TEX9: variants seen among roughly 807,000 people sequenced by gnomAD.
TEX9 encodes testis-expressed protein 9.
In TEX9, 74 loss-of-function variants were observed where a neutral mutation model predicts 59.6. The observed-to-expected ratio is 1.24, with a 90% CI of 1.03 to 1.51. The LOEUF (loss-of-function observed/expected upper bound fraction) is 1.51, where lower values mean the gene tolerates loss of function less well. TEX9 is among the 40% of genes most tolerant of loss of function. TEX9 has a pLI of 0.00. For missense variants in TEX9, 522 were observed against 447.8 expected (o/e 1.17, Z -1.49); for synonymous variants, 186 against 152.2 (o/e 1.22, Z -1.64).
In TEX9 at chr15:56,442,464, A is replaced by T. The variant is rs566607470; in HGVS notation, c.*30-3207A>T. 1.1e-3 allele frequency among the ~76,000 whole-genome samples: 165 copies of T among 152,346 alleles called. 1 individual carries two copies. The highest frequency in any genetic ancestry group is 3.5e-3 in the South Asian group (17 of 4,828). ...GTGTATTTATAGCAGCACTATTCAC[A>T]ATGGCAAAGATATGGAATCCACCTA... On this transcript the variant is annotated intron_variant, in intron 12 of 12. Transcript: ENST00000352903.
At position 56,401,308 on chromosome 15, in the gene TEX9, C is replaced by CAAAAAAA. The variant is rs1207055803; in HGVS notation, c.828+6492_828+6498dup. ...GAAGACCTACCAAGCAAATTGAAAGCAAAAAAAAAAAAAAAAAAAAAAAAC... is the reference window on the plus strand; with the variant it reads ...GAAGACCTACCAAGCAAATTGAAAGCAAAAAAAAAAAAAAAAAAAAAAAAAAAAAAAC... On this transcript the variant is annotated intron_variant, in intron 9 of 12. Coordinates refer to ENST00000352903, the Ensembl canonical transcript of TEX9. Among the ~76,000 whole-genome samples the CAAAAAAA allele has an allele frequency of 6.6e-4, 31 of 46,776 alleles. 1 individual carries two copies. Among genetic ancestry groups the CAAAAAAA allele is most frequent in the East Asian group, 5.6e-3 (5 of 896 alleles). The allele number at this position is 46,776 out of a possible 152,430, so 30.7% of individuals were successfully genotyped here.
At chr15:56,249,208 A>G (rs1225710747) in intron 1 of TEX9, 1 of 152,098 alleles carries the variant, frequency 6.6e-6, no homozygotes, top group African/African-American at 2.4e-5. Context: ...TTCCATTCCA[A>G]GCAGGCTTCA....
chr15:56,403,183 G>A (rs2048887504), intron 9 of TEX9, among the ~76,000 whole-genome samples: 2 of 152,222 alleles, frequency 1.3e-5, no homozygotes, highest in African/African-American at 4.8e-5. Flanking sequence ...TATGAAAAGA[G>A]GAAGTCAAAT....
chr15:56,245,528 T>A (rs1356154046), intron 1 of TEX9, among the ~76,000 whole-genome samples: 2 of 152,224 alleles, frequency 1.3e-5, no homozygotes, highest in Non-Finnish European at 2.9e-5. Context: ...CATGTGGGTG[T>A]GTAAAGACAG....
chr15:56,351,081 C>T (rs1328268745), intron 1 of TEX9, among the ~76,000 whole-genome samples: 4 of 152,096 alleles, frequency 2.6e-5, no homozygotes, highest in Non-Finnish European at 4.4e-5. Flanking sequence ...TAATGTTTTC[C>T]GTGTCTTGAG....
intron 9 of TEX9, chr15:56,395,148 A>G: frequency 3.0e-6 from 1 of 336,016 alleles, no homozygotes. Flanking sequence ...AATCCCTTAC[A>G]GCCCTAGGCA....
intron 1 of TEX9, among the ~76,000 whole-genome samples, chr15:56,282,238 A>T (rs982137628): frequency 1.4e-4 from 22 of 152,194 alleles, no homozygotes; most frequent in African/African-American, 5.3e-4. Context: ...AATATAAATA[A>T]ATCACTTAAA....
At chr15:56,358,179 C>G (rs1344711879) in intron 1 of TEX9, among the ~76,000 whole-genome samples, 7 of 152,112 alleles carry the variant, frequency 4.6e-5, no homozygotes, top group African/African-American at 1.4e-4. Flanking sequence ...TTTCTGAATA[C>G]AGTTCCCTGG....
rs573553307 is a variant in TEX9, at chr15:56,379,399, A to G, written c.184-4553A>G. Among the ~76,000 whole-genome samples, 6 of 152,234 alleles carry G rather than the reference A, an allele frequency of 3.9e-5. No individual in the cohort carries two copies. The South Asian group carries it at 1.2e-3, about 32-fold the overall frequency. ...TTAATTTCTAGTTTTATTCCATGTGATCAGAGAAGATGCTTGATATTATTT... is the reference window on the plus strand; with the variant it reads ...TTAATTTCTAGTTTTATTCCATGTGGTCAGAGAAGATGCTTGATATTATTT... On this transcript the variant is annotated intron_variant, in intron 3 of 12. Transcript: ENST00000352903.
rs78285958 is a variant in TEX9 at position 56,345,497 on chromosome 15, C to T, written c.-106-27944C>T. On this transcript the variant is annotated intron_variant, in intron 1 of 5. Coordinates refer to the TEX9 transcript ENST00000560827. ...AGAGATGGGGTCTTGCTATGTTGCC[C>T]AAGCTACACTCAAACTCATGGGCCC... Among the ~76,000 whole-genome samples the T allele has an allele frequency of 2.1e-3, 325 of 152,218 alleles. 1 individual carries two copies. Among genetic ancestry groups the T allele is most frequent in the African/African-American group, 7.3e-3 (305 of 41,544 alleles).
chr15:56,377,608 TGA>T (rs2047519609), intron 3 of TEX9, among the ~76,000 whole-genome samples: 1 of 152,192 alleles, frequency 6.6e-6, no homozygotes, highest in Non-Finnish European at 1.5e-5. Context: ...GCAACTTTAC[TGA>T]GTTTATCATT....
chr15:56,366,355 C>T (rs1475522457), intron 2 of TEX9, among the ~76,000 whole-genome samples: 1 of 152,164 alleles, frequency 6.6e-6, no homozygotes, highest in African/African-American at 2.4e-5. Context: ...TCCCTCTTCC[C>T]CTTTTCCCCC....
At chr15:56,366,515 T>C (rs1372773172) in intron 2 of TEX9, among the ~76,000 whole-genome samples, 1 of 152,218 alleles carries the variant, frequency 6.6e-6, no homozygotes, top group Admixed American at 6.5e-5. Flanking sequence ...TGTTGGTCTT[T>C]TTCATTGTCT....
At chr15:56,387,166 T>C (rs576130842) in intron 4 of TEX9, among the ~76,000 whole-genome samples, 1 of 152,022 alleles carries the variant, frequency 6.6e-6, no homozygotes, top group African/African-American at 2.4e-5. Flanking sequence ...AAGAATACCA[T>C]ACTATAGCTT....
chr15:56,368,122 G>A (rs1195743097), intron 2 of TEX9, among the ~76,000 whole-genome samples: 1 of 151,936 alleles, frequency 6.6e-6, no homozygotes, highest in Non-Finnish European at 1.5e-5. Context: ...TTTGCTCTAG[G>A]GTTTTGGTAG....
chr15:56,456,576 CA>C, the TEX9 span: 1 of 1,575,310 alleles, frequency 6.3e-7, no homozygotes, highest in African/African-American at 1.4e-5. Flanking sequence ...TTTTTTTCAT[CA>C]AGGTTGAATT....
upstream of TEX9, among the ~76,000 whole-genome samples, chr15:56,364,721 T>C (rs963653472): frequency 1.3e-5 from 2 of 152,208 alleles, no homozygotes; most frequent in Admixed American, 6.5e-5. Flanking sequence ...TGAATGGTCT[T>C]GCACCCTTTC....
chr15:56,326,526 C>T (rs1269373116), intron 1 of TEX9, among the ~76,000 whole-genome samples: 2 of 151,950 alleles, frequency 1.3e-5, no homozygotes, highest in Non-Finnish European at 2.9e-5. Context: ...TTACAGGTAA[C>T]TATCTTAGTT....
intron 1 of TEX9, among the ~76,000 whole-genome samples, chr15:56,320,457 C>A (rs2045876869): frequency 6.6e-6 from 1 of 151,600 alleles, no homozygotes; most frequent in African/African-American, 2.4e-5. Flanking sequence ...CCTTACATGA[C>A]CTTTCTTGTC....
Sources: allele counts gnomAD v4.1 joint callset (sites outside exome capture counted in the v4.1 genomes callset), GRCh38; gene constraint gnomAD v4.1.1; transcripts MANE v1.5; gene names NCBI Gene and HGNC (gene_info 2026-07-23, HGNC 2026-07-21).